FBXL20: variants seen among roughly 807,000 people sequenced by gnomAD.
The protein encoded by FBXL20 is F-box and leucine rich repeat protein 20.
Under a neutral mutation model 64.0 loss-of-function variants are expected in FBXL20, and 11 were observed. The ratio of observed to expected loss-of-function variants is 0.17; its 90% CI spans 0.11 to 0.28. The LOEUF is 0.28. Ranked by LOEUF, FBXL20 falls within the 10% of genes least tolerant of loss-of-function variation. The pLI, the probability that FBXL20 is intolerant of heterozygous loss-of-function variation, is 1.00. For missense variants in FBXL20, 303 were observed against 526.2 expected (o/e 0.58, Z 4.15); for synonymous variants, 184 against 189.0 (o/e 0.97, Z 0.22).
intron 6 of FBXL20, 102 bp downstream of exon 6, chr17:39,297,025 C>A: frequency 3.1e-6 from 2 of 642,374 alleles, no homozygotes; most frequent in Non-Finnish European, 2.6e-6. Context: ...TCTACAAAAC[C>A]AAGATAAAAT....
At chr17:39,317,149 G>GA (rs1403287008) in intron 2 of FBXL20, among the ~76,000 whole-genome samples, 2 of 151,966 alleles carry the variant, frequency 1.3e-5, no homozygotes, top group Non-Finnish European at 2.9e-5. Context: ...TTTGCTTAAC[G>GA]AAAAAAATTG....
intron 2 of FBXL20, among the ~76,000 whole-genome samples, chr17:39,330,867 G>C (rs2047453500): frequency 6.6e-6 from 1 of 152,168 alleles, no homozygotes; most frequent in South Asian, 2.1e-4. Flanking sequence ...TTTACAAAAG[G>C]AGTACATGTA....
intron 2 of FBXL20, among the ~76,000 whole-genome samples, chr17:39,334,100 G>A (rs1356751689): frequency 6.6e-6 from 1 of 152,172 alleles, no homozygotes; most frequent in Non-Finnish European, 1.5e-5. Flanking sequence ...AGTAGACATA[G>A]GAGACTCCAT....
In FBXL20 at chr17:39,259,368, T is replaced by A; in HGVS notation, c.*2092A>T. ...TAATAGTCTGGATCATATAGAAGAT[T>A]AATATTATGATGGATTGCACATTAA... On this transcript the variant is annotated 3_prime_UTR_variant, in exon 15 of 15. Transcript: ENST00000264658. 1 of 152,214 alleles carries A rather than the reference T, an allele frequency of 6.6e-6. No individual in the cohort carries two copies. The highest frequency in any genetic ancestry group is 1.9e-4 in the East Asian group (1 of 5,188). The allele number at this position is 152,214 out of a possible 1,614,324, so 9.4% of individuals were successfully genotyped here.
chr17:39,338,866 T>C (rs906702730), intron 2 of FBXL20, among the ~76,000 whole-genome samples: 1 of 152,202 alleles, frequency 6.6e-6, no homozygotes, highest in African/African-American at 2.4e-5. Flanking sequence ...AACTGACCAA[T>C]ATTCTTTAAA....
chr17:39,384,469 G>T (rs1451201421), intron 1 of FBXL20, among the ~76,000 whole-genome samples: 1 of 151,756 alleles, frequency 6.6e-6, no homozygotes. Context: ...AGGTTGTAGT[G>T]AGCCGAGATC....
At chr17:39,374,297 G>C (rs893453463) in intron 1 of FBXL20, among the ~76,000 whole-genome samples, 1 of 152,062 alleles carries the variant, frequency 6.6e-6, no homozygotes, top group Non-Finnish European at 1.5e-5. Flanking sequence ...GGGAGGCCAA[G>C]GTGGTTGGAT....
At chr17:39,268,919 A>G (rs2046815652) in intron 11 of FBXL20, 48 bp from the exon 12 acceptor site, 1 of 1,526,348 alleles carries the variant, frequency 6.6e-7, no homozygotes, top group Non-Finnish European at 9.0e-7. Flanking sequence ...AAACATTTAA[A>G]ACATGAGAAA....
At chr17:39,356,237 G>T (rs996560243) in intron 1 of FBXL20, among the ~76,000 whole-genome samples, 3 of 140,578 alleles carry the variant, frequency 2.1e-5, no homozygotes, top group African/African-American at 8.1e-5. Flanking sequence ...AAAAAAAAAA[G>T]TTTTATAGTT....
chr17:39,315,313 T>C (rs2047275261), intron 2 of FBXL20, among the ~76,000 whole-genome samples: 1 of 151,604 alleles, frequency 6.6e-6, no homozygotes, highest in Non-Finnish European at 1.5e-5. Flanking sequence ...CACGTGCTTA[T>C]TGAAAGCAGT....
intron 1 of FBXL20, among the ~76,000 whole-genome samples, chr17:39,345,520 C>T (rs2047624045): frequency 6.6e-6 from 1 of 151,714 alleles, no homozygotes; most frequent in African/African-American, 2.4e-5. Flanking sequence ...TGCACTGCCC[C>T]TCAATTTCAT....
At chr17:39,340,135 T>C (rs535556353) in intron 2 of FBXL20, among the ~76,000 whole-genome samples, 58 of 152,222 alleles carry the variant, frequency 3.8e-4, no homozygotes, top group South Asian at 2.3e-3. Flanking sequence ...TCTCGCTCTG[T>C]TGTGAGGCTG....
intron 1 of FBXL20, among the ~76,000 whole-genome samples, chr17:39,374,168 T>G (rs528269537): frequency 9.3e-5 from 14 of 151,016 alleles, no homozygotes; most frequent in African/African-American, 3.2e-4. Flanking sequence ...GAAGTTGCAG[T>G]GAGCCAAGAT....
At chr17:39,297,369 TA>T (rs2144435357) in intron 5 of FBXL20, 174 bp from the exon 6 acceptor site, 2 of 407,868 alleles carry the variant, frequency 4.9e-6, no homozygotes, top group Admixed American at 3.8e-5. Context: ...ATACCATCCC[TA>T]AAATCTTTGT....
chr17:39,351,471 T>C (rs1311661681), intron 1 of FBXL20, among the ~76,000 whole-genome samples: 1 of 152,172 alleles, frequency 6.6e-6, no homozygotes, highest in Admixed American at 6.6e-5. Flanking sequence ...CAATAGAATA[T>C]GTGTTTTAGG....
At chr17:39,350,238 C>A (rs944178687) in intron 1 of FBXL20, among the ~76,000 whole-genome samples, 8 of 152,164 alleles carry the variant, frequency 5.3e-5, no homozygotes, top group African/African-American at 1.7e-4. Context: ...GTAGCTCATG[C>A]CTGTAACTTT....
At chr17:39,322,358 G>A (rs1022283978) in intron 2 of FBXL20, among the ~76,000 whole-genome samples, 10 of 151,986 alleles carry the variant, frequency 6.6e-5, no homozygotes, top group Non-Finnish European at 1.3e-4. Flanking sequence ...AATGACATAT[G>A]CATCAACATA....
chr17:39,302,457 T>C (rs1229744363), intron 3 of FBXL20, among the ~76,000 whole-genome samples: 2 of 149,944 alleles, frequency 1.3e-5, no homozygotes, highest in Non-Finnish European at 3.0e-5. Flanking sequence ...CACTGCAAGC[T>C]CCACCTCCCG....
At position 39,401,569 on chromosome 17, in the gene FBXL20, C is replaced by A. The variant is rs1157806123; in HGVS notation, c.-167G>T. On this transcript the variant is annotated 5_prime_UTR_variant, in exon 1 of 15. Transcript: ENST00000264658. ...CCTCTCGGCTCCGGCTAGGCCTCCACCACCTCCCGCGGCGCCGGCGGCCGC... is the reference window on the plus strand; with the variant it reads ...CCTCTCGGCTCCGGCTAGGCCTCCAACACCTCCCGCGGCGCCGGCGGCCGC... The A allele has an allele frequency of 7.1e-7, 1 of 1,408,672 alleles. No homozygotes were observed. The highest frequency in any genetic ancestry group is 9.2e-7 in the Non-Finnish European group (1 of 1,090,106). 87.3% of individuals were successfully genotyped at this position (1,408,672 alleles called of 1,614,324 possible).
Sources: gnomAD v4.1 joint callset for allele counts (sites outside exome capture counted in the v4.1 genomes callset) on GRCh38, gnomAD v4.1.1 for gene constraint, MANE v1.5 for transcripts, NCBI Gene and HGNC (gene_info 2026-07-23, HGNC 2026-07-21) for gene names.